The following UIMC1 variants were observed in gnomAD, a reference collection of about 807,000 sequenced individuals.
UIMC1 encodes the protein BRCA1-A complex subunit RAP80.
Under a neutral mutation model 84.9 loss-of-function variants are expected in UIMC1, and 42 were observed. The ratio of observed to expected loss-of-function variants is 0.49; its 90% CI spans 0.39 to 0.64. The LOEUF (loss-of-function observed/expected upper bound fraction) is 0.64, where lower values mean the gene tolerates loss of function less well. Among genes scored for constraint, UIMC1 ranks in the 30% least tolerant of loss-of-function variants. The pLI is 0.00. For synonymous variants in UIMC1, 281 were observed against 293.0 expected (o/e 0.96, Z 0.42); for missense variants, 825 against 847.6 (o/e 0.97, Z 0.33).
In UIMC1 at chr5:176,986,574, T is replaced by TCA. The variant is rs534081202; in HGVS notation, c.-8-3953_-8-3952dup. Among the ~76,000 whole-genome samples the TCA allele has an allele frequency of 8.7e-3, 1,261 of 144,298 alleles. 5 individuals carry two copies. Among genetic ancestry groups the TCA allele is most frequent in the South Asian group, 0.024 (109 of 4,524 alleles). 94.7% of individuals were successfully genotyped at this position (144,298 alleles called of 152,430 possible). A position where few individuals can be genotyped will look rare whatever the true frequency, so the allele number is the denominator to read the frequency against. On this transcript the variant is annotated intron_variant, in intron 1 of 14. Transcript: ENST00000511320. ...AAAAAAAAAGGCTGGGCACACTGGC[T>TCA]CACACCTATAATCCCAGTATTTTGG...
In UIMC1 at chr5:176,913,316, T is replaced by C. The variant is rs115360824; in HGVS notation, c.1598-1927A>G. On this transcript the variant is annotated intron_variant, in intron 10 of 14. Transcript: ENST00000511320. ...TTACTTTTCCCCAGTTTTAATGGTA[T>C]GGAAATAAACTAAGAGGAATTGACT... Among the ~76,000 whole-genome samples the C allele has an allele frequency of 2.8e-3, 430 of 152,340 alleles. 2 individuals carry two copies. Among genetic ancestry groups the C allele is most frequent in the Admixed American group, 6.1e-3 (93 of 15,300 alleles).
At chr5:176,952,702 C>T (rs1209378285) in intron 8 of UIMC1, among the ~76,000 whole-genome samples, 3 of 152,132 alleles carry the variant, frequency 2.0e-5, no homozygotes, top group South Asian at 4.2e-4. Flanking sequence ...GAAGACGAGG[C>T]GGGAGGATCA....
At chr5:177,017,977 T>G (rs1775707610) in intron 1 of UIMC1, among the ~76,000 whole-genome samples, 1 of 152,086 alleles carries the variant, frequency 6.6e-6, no homozygotes, top group Non-Finnish European at 1.5e-5. Context: ...TTATAGCAGT[T>G]AAAACATACT....
intron 10 of UIMC1, among the ~76,000 whole-genome samples, chr5:176,935,038 C>T (rs1763562249): frequency 6.6e-6 from 1 of 152,178 alleles, no homozygotes; most frequent in African/African-American, 2.4e-5. Flanking sequence ...CCAACACCTG[C>T]ATCCAAGAGT....
intron 1 of UIMC1, among the ~76,000 whole-genome samples, chr5:176,983,192 TCTTAA>T (rs758020028): frequency 6.6e-6 from 1 of 152,088 alleles, no homozygotes; most frequent in Non-Finnish European, 1.5e-5. Flanking sequence ...AAACTGCATT[TCTTAA>T]CTTGTCTACT....
chr5:176,943,143 A>G (rs1033997281), intron 10 of UIMC1, among the ~76,000 whole-genome samples, 192 bp downstream of exon 10: 1 of 152,236 alleles, frequency 6.6e-6, no homozygotes, highest in African/African-American at 2.4e-5. Context: ...CATGTGTAAC[A>G]GGACAAAATA....
chr5:176,974,075 A>G (rs998405633), intron 3 of UIMC1, among the ~76,000 whole-genome samples: 18 of 152,186 alleles, frequency 1.2e-4, no homozygotes, highest in African/African-American at 3.9e-4. Flanking sequence ...CAGTAGTAAT[A>G]AACAAATAAT....
At chr5:176,929,949 T>C (rs1335073976) in intron 10 of UIMC1, among the ~76,000 whole-genome samples, 1 of 152,178 alleles carries the variant, frequency 6.6e-6, no homozygotes, top group Non-Finnish European at 1.5e-5. Context: ...AGTAAGTAAG[T>C]TTCATATGGA....
intron 2 of UIMC1, 96 bp downstream of exon 2, chr5:176,982,373 G>A (rs1198060001): frequency 4.3e-6 from 6 of 1,389,320 alleles, no homozygotes; most frequent in East Asian, 2.4e-5. Context: ...TGGTGAGCTG[G>A]CATTAAGGTG....
chr5:176,975,558 G>C, intron 2 of UIMC1, 78 bp from the exon 3 acceptor site: 1 of 1,350,538 alleles, frequency 7.4e-7, no homozygotes, highest in East Asian at 2.3e-5. Context: ...CTCCCCTATG[G>C]CTAAGAGAGG....
intron 1 of UIMC1, among the ~76,000 whole-genome samples, chr5:176,992,463 T>TA (rs58677475): frequency 0.13 from 18,974 of 141,582 alleles, 2,847 homozygotes; most frequent in African/African-American, 0.37. Context: ...TGTCTCAGTT[T>TA]AAAAAAAAAA....
chr5:177,015,535 A>G (rs1165843026), intron 1 of UIMC1, among the ~76,000 whole-genome samples: 1 of 152,196 alleles, frequency 6.6e-6, no homozygotes, highest in Non-Finnish European at 1.5e-5. Flanking sequence ...CTGTCACTGC[A>G]GTGATGAGGA....
intron 10 of UIMC1, among the ~76,000 whole-genome samples, chr5:176,927,038 A>G (rs1762457916): frequency 6.6e-6 from 1 of 152,116 alleles, no homozygotes; most frequent in African/African-American, 2.4e-5. Flanking sequence ...CTTGCAGAAA[A>G]TAGTAGTAAT....
chr5:176,970,271 CAAAAAAAA>C (rs57976266), intron 4 of UIMC1: 22 of 78,030 alleles, frequency 2.8e-4, no homozygotes, highest in South Asian at 2.5e-3. Flanking sequence ...GACTCCATCT[CAAAAAAAA>C]AAAAAAAAAA....
rs536551565 is a variant in UIMC1, at chr5:177,021,391, G to T, written c.-9+1073C>A. Among the ~76,000 whole-genome samples, 13 of 152,282 alleles carry T rather than the reference G, an allele frequency of 8.5e-5. 1 individual carries two copies. The Middle Eastern group carries it at 0.014, about 159-fold the overall frequency. The stretch of plus-strand genomic sequence containing the variant: ...GCAAGATAAAAGGTAAAATATAAAA[G>T]AAATAAAGCAGGAAAGAAGGACATG... On this transcript the variant is annotated intron_variant, in intron 1 of 5. Transcript: ENST00000509236.
At chr5:176,963,748 TAATAAATA>T (rs1328309190) in intron 6 of UIMC1, among the ~76,000 whole-genome samples, 1 of 151,950 alleles carries the variant, frequency 6.6e-6, no homozygotes, top group Non-Finnish European at 1.5e-5. Context: ...CTCTATTCCA[TAATAAATA>T]AATAAACTGT....
At position 176,908,693 on chromosome 5, in the gene UIMC1, T is replaced by C. The variant is rs2149387157; in HGVS notation, c.1678A>G (p.Asn560Asp). ...AAQTSLDIDK[N>D]EKCYLCKSLV... ...GATTTACAGAGGTAACACTTCTCAT[T>C]CCTATCCAATAAGAAAAAAGGAAGA... Residue 560 changes from asparagine (N) to aspartate (D), a missense_variant and splice_region_variant, in exon 12 of 15, where the codon AAT becomes GAT. Transcript: ENST00000511320. 6.2e-7 allele frequency: 1 copy of C among 1,609,204 alleles called. No homozygotes were observed. Among genetic ancestry groups the C allele is most frequent in the Non-Finnish European group, 8.5e-7 (1 of 1,177,270 alleles).
intron 11 of UIMC1, 86 bp from the exon 12 acceptor site, chr5:176,908,780 T>C: frequency 1.4e-6 from 2 of 1,441,016 alleles, no homozygotes; most frequent in Admixed American, 2.1e-5. Flanking sequence ...AATTGTGTTT[T>C]TACGTCGCAA....
intron 10 of UIMC1, among the ~76,000 whole-genome samples, chr5:176,939,103 A>C (rs1344808159): frequency 2.0e-5 from 3 of 151,836 alleles, no homozygotes; most frequent in Non-Finnish European, 4.4e-5. Context: ...AGAAAATATA[A>C]AAAACTAGCC....
Sources: gnomAD v4.1 joint callset for allele counts (sites outside exome capture counted in the v4.1 genomes callset) on GRCh38, gnomAD v4.1.1 for gene constraint, MANE v1.5 for transcripts, NCBI Gene and HGNC (gene_info 2026-07-23, HGNC 2026-07-21) for gene names.